The following MCU variants were observed in gnomAD, a reference collection of about 807,000 sequenced individuals.
MCU encodes the protein mitochondrial calcium uniporter, also known as calcium uniporter protein, mitochondrial.
A neutral mutation model predicts 45.2 loss-of-function variants in MCU; 12 were observed. The observed-to-expected ratio is 0.27, with a 90% CI of 0.17 to 0.43. The LOEUF is 0.43. Ranked by LOEUF, MCU falls within the 20% of genes least tolerant of loss-of-function variation. The probability of loss-of-function intolerance (pLI) is 1.00; values close to 1 mark genes in which losing one functional copy is unlikely to be tolerated. For synonymous variants in MCU, 160 were observed against 165.1 expected, an observed-to-expected ratio of 0.97 and a Z score of 0.24; for missense variants, 324 against 436.7, an observed-to-expected ratio of 0.74 and a Z score of 2.30.
rs1845778030 is a variant in MCU at position 72,886,542 on chromosome 10, G to A, written c.*720G>A. On this transcript the variant is annotated 3_prime_UTR_variant, in exon 8 of 8. Coordinates refer to ENST00000373053, the MANE Select transcript of MCU (RefSeq NM_138357.3). Reference sequence around the variant, plus strand: ...TGCATGAGGTTGTTGGTTTTGTTTTGTTTTATTAATTAGTCTTTCACAGGA... The same window carrying A: ...TGCATGAGGTTGTTGGTTTTGTTTTATTTTATTAATTAGTCTTTCACAGGA... 4 of 152,244 alleles carry A rather than the reference G, an allele frequency of 2.6e-5. No individual in the cohort carries two copies. Among genetic ancestry groups the A allele is most frequent in the Admixed American group, 6.5e-5 (1 of 15,276 alleles). The allele number at this position is 152,244 out of a possible 1,614,324, so 9.4% of individuals were successfully genotyped here.
At chr10:72,812,228 C>T (rs1844555140) in intron 1 of MCU, among the ~76,000 whole-genome samples, 1 of 151,276 alleles carries the variant, frequency 6.6e-6, no homozygotes, top group Non-Finnish European at 1.5e-5. Context: ...CTCACTGCAG[C>T]CTCCACTGCC....
At chr10:72,853,395 T>C (rs1299499121) in intron 2 of MCU, among the ~76,000 whole-genome samples, 2 of 152,026 alleles carry the variant, frequency 1.3e-5, no homozygotes, top group Non-Finnish European at 2.9e-5. Flanking sequence ...AATTAGACAC[T>C]GCAGAAGAAA....
intron 1 of MCU, among the ~76,000 whole-genome samples, chr10:72,726,292 G>T (rs533555292): frequency 7.0e-6 from 1 of 143,476 alleles, no homozygotes; most frequent in Non-Finnish European, 1.5e-5. Context: ...TGTGTAGTTC[G>T]TTCTGTAAAA....
At chr10:72,745,542 T>C (rs1487676738) in intron 1 of MCU, among the ~76,000 whole-genome samples, 1 of 152,174 alleles carries the variant, frequency 6.6e-6, no homozygotes, top group Non-Finnish European at 1.5e-5. Context: ...ATTTGGTATT[T>C]TATACATAAA....
At chr10:72,822,688 G>A (rs1299210311) in intron 1 of MCU, among the ~76,000 whole-genome samples, 1 of 152,100 alleles carries the variant, frequency 6.6e-6, no homozygotes, top group East Asian at 1.9e-4. Flanking sequence ...CAAAAAGACA[G>A]ATAGGACTGG....
In MCU at chr10:72,886,418, C is replaced by T. The variant is rs1450907436; in HGVS notation, c.*596C>T. ...TTTGATAATTGGAACCAACTTATAA[C>T]TGTTTAATAATTGACACTTTAGATT... is the stretch of plus-strand genomic sequence containing the variant. On this transcript the variant is annotated 3_prime_UTR_variant, in exon 8 of 8. Transcript: ENST00000373053. The T allele has an allele frequency of 6.6e-6, 1 of 152,434 alleles. No individual in the cohort carries two copies. The highest frequency in any genetic ancestry group is 1.9e-4 in the East Asian group (1 of 5,344). The allele number at this position is 152,434 out of a possible 1,614,324, so 9.4% of individuals were successfully genotyped here. A position where few individuals can be genotyped will look rare whatever the true frequency, so the allele number is the denominator to read the frequency against.
chr10:72,810,547 A>C (rs1476537458), intron 1 of MCU, among the ~76,000 whole-genome samples: 2 of 142,954 alleles, frequency 1.4e-5, no homozygotes, highest in East Asian at 4.1e-4. Context: ...GGCTCACTGC[A>C]ACCTCTGCCT....
intron 1 of MCU, chr10:72,760,658 T>TA (rs1406069958): frequency 6.6e-6 from 1 of 151,866 alleles, no homozygotes; most frequent in East Asian, 1.9e-4. Context: ...GCATCCTGAA[T>TA]AGCTAGTACT....
intron 1 of MCU, among the ~76,000 whole-genome samples, chr10:72,805,122 T>TCTTC (rs1260911344): frequency 7.5e-6 from 1 of 132,716 alleles, no homozygotes; most frequent in Non-Finnish European, 1.5e-5. Flanking sequence ...TTTCTTTCTT[T>TCTTC]CTTTCTTTCT....
intron 1 of MCU, among the ~76,000 whole-genome samples, chr10:72,782,750 G>A (rs1844014429): frequency 1.3e-5 from 2 of 152,152 alleles, no homozygotes; most frequent in Non-Finnish European, 1.5e-5. Flanking sequence ...AACTTTACAG[G>A]GATGTGTGTC....
chr10:72,755,491 G>A (rs1843562352), intron 1 of MCU, among the ~76,000 whole-genome samples: 1 of 152,214 alleles, frequency 6.6e-6, no homozygotes, highest in Non-Finnish European at 1.5e-5. Flanking sequence ...GGTGTGTAAT[G>A]TTGATGGTAG....
chr10:72,736,188 A>AT lies in MCU; in HGVS notation c.150+43896dup, dbSNP rs139239449. Among the ~76,000 whole-genome samples, 231 of 151,490 alleles carry AT rather than the reference A, an allele frequency of 1.5e-3. 2 individuals carry two copies. The highest frequency in any genetic ancestry group is 0.014 in the Middle Eastern group (4 of 294). On this transcript the variant is annotated intron_variant, in intron 1 of 7. Transcript: ENST00000373053. The stretch of plus-strand genomic sequence containing the variant: ...GTATTCATGGACGTTGGATATATGG[A>AT]TTTTTTTTTGCCATTGGAAGACTGA...
intron 1 of MCU, among the ~76,000 whole-genome samples, chr10:72,787,904 A>T (rs1422390747): frequency 6.6e-6 from 1 of 151,878 alleles, no homozygotes; most frequent in East Asian, 2.0e-4. Flanking sequence ...TTTAGTAGAG[A>T]TGGGGTTTCA....
At chr10:72,751,608 G>A (rs2132710524) in intron 1 of MCU, among the ~76,000 whole-genome samples, 1 of 151,750 alleles carries the variant, frequency 6.6e-6, no homozygotes, top group Admixed American at 6.6e-5. Flanking sequence ...CGCCCACCTT[G>A]GCCTCCCAAA....
Position 72,885,908 on chromosome 10 carries a change from G to C in MCU, c.*86G>C. The C allele has an allele frequency of 9.5e-7, 1 of 1,048,138 alleles. No individual in the cohort carries two copies. The highest frequency in any genetic ancestry group is 1.5e-6 in the Non-Finnish European group (1 of 679,058). The allele number at this position is 1,048,138 out of a possible 1,614,324, so 64.9% of individuals were successfully genotyped here. A position where few individuals can be genotyped will look rare whatever the true frequency, so the allele number is the denominator to read the frequency against. On this transcript the variant is annotated 3_prime_UTR_variant, in exon 8 of 8. Transcript: ENST00000373053. ...ATTGCAGGTGGAAGCTGGGAGCCAT[G>C]TGGGGGGTAGAGCGTTTTTACCTTT...
chr10:72,715,066 G>A, intron 1 of MCU: 1 of 534,642 alleles, frequency 1.9e-6, no homozygotes, highest in Non-Finnish European at 2.4e-6. Context: ...GGCTCAAGAG[G>A]GCCTTTACCT....
At chr10:72,876,944 C>T (rs1213061445) in intron 6 of MCU, among the ~76,000 whole-genome samples, 15 of 135,246 alleles carry the variant, frequency 1.1e-4, no homozygotes, top group Non-Finnish European at 1.9e-4. Context: ...TTTTTTGAGA[C>T]AGGGTTTTAC....
intron 7 of MCU, among the ~76,000 whole-genome samples, chr10:72,885,051 C>T (rs1845757724): frequency 2.0e-5 from 3 of 152,142 alleles, no homozygotes; most frequent in Admixed American, 2.0e-4. Context: ...CTCTTCTCTG[C>T]CTTTCCTGTC....
At position 72,825,954 on chromosome 10, in the gene MCU, CTA is replaced by C. The variant is rs369228108; in HGVS notation, c.151-8403_151-8402del. On this transcript the variant is annotated intron_variant, in intron 1 of 7. Coordinates refer to ENST00000373053, the MANE Select transcript of MCU (RefSeq NM_138357.3). ...TTGAAACTCAACGCATTGGTTTCTG[CTA>C]TGTCATGTTTCCTCTCTATGAGCCC... 2.2e-4 allele frequency among the ~76,000 whole-genome samples: 34 copies of C among 152,278 alleles called. No homozygotes were observed. In the East Asian group the frequency reaches 3.1e-3, roughly 14 times the overall value.
Sources: gnomAD v4.1 joint callset for allele counts (sites outside exome capture counted in the v4.1 genomes callset) on GRCh38, gnomAD v4.1.1 for gene constraint, MANE v1.5 for transcripts, NCBI Gene and HGNC (gene_info 2026-07-23, HGNC 2026-07-21) for gene names.